Variants in INPP4B observed in about 807,000 individuals in gnomAD.
The protein encoded by INPP4B is inositol polyphosphate-4-phosphatase type II B, also known as inositol polyphosphate 4-phosphatase type II.
Under a neutral mutation model 122.5 loss-of-function variants are expected in INPP4B, and 55 were observed. The ratio of observed to expected loss-of-function variants is 0.45; its 90% CI spans 0.36 to 0.56. The LOEUF (loss-of-function observed/expected upper bound fraction) is 0.56, where lower values mean the gene tolerates loss of function less well. Among genes scored for constraint, INPP4B ranks in the 20% least tolerant of loss-of-function variants. INPP4B has a pLI of 0.00. For synonymous variants in INPP4B, 403 were observed against 388.7 expected (o/e 1.04, Z -0.43); for missense variants, 1,000 against 1,097.7 (o/e 0.91, Z 1.26).
intron 15 of INPP4B, among the ~76,000 whole-genome samples, chr4:142,190,748 G>A (rs1835442289): frequency 1.1e-5 from 1 of 95,086 alleles, no homozygotes; most frequent in Non-Finnish European, 2.2e-5. Context: ...GTGTGTGTGC[G>A]CGTGTGTGTT....
intron 7 of INPP4B, among the ~76,000 whole-genome samples, chr4:142,380,743 C>T (rs1032247888): frequency 1.3e-5 from 2 of 151,994 alleles, no homozygotes; most frequent in Non-Finnish European, 2.9e-5. Flanking sequence ...TATTTTTCTG[C>T]ATACTCATAA....
intron 2 of INPP4B, among the ~76,000 whole-genome samples, chr4:142,706,427 G>A (rs1277205877): frequency 2.0e-5 from 3 of 152,176 alleles, no homozygotes; most frequent in Admixed American, 6.5e-5. Flanking sequence ...AATAAGTTCG[G>A]TTGCTTAATG....
At chr4:142,669,855 T>C (rs1056552709) in intron 2 of INPP4B, among the ~76,000 whole-genome samples, 1 of 152,078 alleles carries the variant, frequency 6.6e-6, no homozygotes, top group East Asian at 1.9e-4. Flanking sequence ...GGCCAGAAGA[T>C]GGAGAAAAGG....
chr4:142,393,417 A>C (rs1364686218), intron 7 of INPP4B, among the ~76,000 whole-genome samples: 1 of 152,170 alleles, frequency 6.6e-6, no homozygotes, highest in Non-Finnish European at 1.5e-5. Context: ...TCCTGTAAAC[A>C]GGATGTTTCA....
chr4:142,602,873 G>A (rs1417798676), intron 2 of INPP4B, among the ~76,000 whole-genome samples: 2 of 152,080 alleles, frequency 1.3e-5, no homozygotes, highest in Non-Finnish European at 2.9e-5. Flanking sequence ...TATACCCAAA[G>A]GAATATAGAT....
chr4:142,081,941 T>A (rs929990647), intron 25 of INPP4B, 90 bp downstream of exon 25: 13 of 851,500 alleles, frequency 1.5e-5, no homozygotes, highest in Admixed American at 1.2e-4. Context: ...AAATATTTAG[T>A]CCTCCAATAA....
chr4:142,484,664 A>G (rs1274920152), intron 2 of INPP4B, among the ~76,000 whole-genome samples: 1 of 152,122 alleles, frequency 6.6e-6, no homozygotes, highest in East Asian at 1.9e-4. Flanking sequence ...TTACATAGGT[A>G]AACGTGTGTC....
chr4:142,499,012 G>A (rs1186150816), intron 2 of INPP4B, among the ~76,000 whole-genome samples: 1 of 152,088 alleles, frequency 6.6e-6, no homozygotes, highest in Admixed American at 6.6e-5. Context: ...CAGAGTTTAA[G>A]AGTGGAATGC....
chr4:142,651,318 A>G (rs1173544180), intron 2 of INPP4B, among the ~76,000 whole-genome samples: 1 of 152,170 alleles, frequency 6.6e-6, no homozygotes, highest in Non-Finnish European at 1.5e-5. Context: ...GAACTAGAGA[A>G]GCAAGAGCAA....
At chr4:142,515,229 T>C (rs1390817846) in intron 2 of INPP4B, among the ~76,000 whole-genome samples, 3 of 152,202 alleles carry the variant, frequency 2.0e-5, no homozygotes, top group Non-Finnish European at 4.4e-5. Flanking sequence ...TGTGGTCATC[T>C]AAGAAGGGCT....
intron 7 of INPP4B, among the ~76,000 whole-genome samples, chr4:142,328,363 A>G (rs1407004618): frequency 1.3e-5 from 2 of 152,214 alleles, no homozygotes; most frequent in Non-Finnish European, 2.9e-5. Flanking sequence ...GATTTCCTAC[A>G]TTTCAAACCA....
chr4:142,660,964 T>C (rs2150583925), intron 2 of INPP4B: 1 of 152,428 alleles, frequency 6.6e-6, no homozygotes, highest in African/African-American at 2.4e-5. Context: ...TTAGATGTAC[T>C]TCTTTAGAGG....
chr4:142,349,283 A>G (rs994709140), intron 7 of INPP4B, among the ~76,000 whole-genome samples: 1 of 152,068 alleles, frequency 6.6e-6, no homozygotes, highest in African/African-American at 2.4e-5. Flanking sequence ...TATACGAGAG[A>G]TAAAAGAAAT....
At chr4:142,544,164 C>T (rs1829283914) in intron 2 of INPP4B, among the ~76,000 whole-genome samples, 1 of 37,792 alleles carries the variant, frequency 2.6e-5, no homozygotes, top group South Asian at 8.5e-4. Flanking sequence ...TGTGTAGGAA[C>T]ATAGTGGACT....
intron 1 of INPP4B, among the ~76,000 whole-genome samples, chr4:142,825,775 A>T (rs1479905070): frequency 1.3e-5 from 2 of 152,100 alleles, no homozygotes; most frequent in Non-Finnish European, 2.9e-5. Context: ...GTGCTCTGAA[A>T]GGATAAAATA....
intron 2 of INPP4B, among the ~76,000 whole-genome samples, chr4:142,491,121 AT>A (rs201691259): frequency 0.015 from 2,299 of 152,140 alleles, 60 homozygotes; most frequent in African/African-American, 0.051. Flanking sequence ...TCTATTTTTA[AT>A]TTTTTGGGGG....
chr4:142,301,937 A>G (rs1761597160), intron 9 of INPP4B, among the ~76,000 whole-genome samples: 2 of 152,186 alleles, frequency 1.3e-5, no homozygotes, highest in Admixed American at 1.3e-4. Flanking sequence ...TCATTTCCAC[A>G]GAGAGAATCA....
chr4:142,553,708 C>T (rs942068250), intron 2 of INPP4B, among the ~76,000 whole-genome samples: 4 of 152,208 alleles, frequency 2.6e-5, no homozygotes, highest in African/African-American at 4.8e-5. Flanking sequence ...TTCTTCCCTT[C>T]TCAGTCCTAC....
chr4:142,739,410 A>C (rs1359778121), intron 1 of INPP4B, among the ~76,000 whole-genome samples: 1 of 152,072 alleles, frequency 6.6e-6, no homozygotes, highest in East Asian at 1.9e-4. Flanking sequence ...GAAAATATGA[A>C]GTGTTTGCCT....
Sources: gnomAD v4.1 joint callset for allele counts (sites outside exome capture counted in the v4.1 genomes callset) on GRCh38, gnomAD v4.1.1 for gene constraint, MANE v1.5 for transcripts, NCBI Gene and HGNC (gene_info 2026-07-23, HGNC 2026-07-21) for gene names.